ANGPT1: variants seen among roughly 807,000 people sequenced by gnomAD.
ANGPT1 encodes angiopoietin 1, also known as angiopoietin-1.
A neutral mutation model predicts 62.2 loss-of-function variants in ANGPT1; 17 were observed. The observed-to-expected ratio is 0.27, with a 90% CI of 0.19 to 0.41. The LOEUF is 0.41. Ranked by LOEUF, ANGPT1 falls within the 10% of genes least tolerant of loss-of-function variation. The pLI is 1.00. For missense variants in ANGPT1, 478 were observed against 594.9 expected (o/e 0.80, Z 2.04); for synonymous variants, 199 against 198.9 (o/e 1.00, Z 0.00).
At chr8:107,444,088 G>A (rs948738247) in intron 1 of ANGPT1, among the ~76,000 whole-genome samples, 3 of 152,168 alleles carry the variant, frequency 2.0e-5, no homozygotes, top group Admixed American at 6.5e-5. Context: ...TCTGTTCTGG[G>A]AGCATCTGGC....
chr8:107,294,113 G>T, intron 5 of ANGPT1, 76 bp from the exon 6 acceptor site: 1 of 1,201,206 alleles, frequency 8.3e-7, no homozygotes, highest in South Asian at 1.3e-5. Context: ...TTTCAAAATA[G>T]GAATAAGGCG....
At chr8:107,393,181 G>T (rs909010143) in intron 1 of ANGPT1, among the ~76,000 whole-genome samples, 1 of 152,050 alleles carries the variant, frequency 6.6e-6, no homozygotes, top group Non-Finnish European at 1.5e-5. Flanking sequence ...TTTTTAAGCT[G>T]TAACTATTTA....
intron 4 of ANGPT1, among the ~76,000 whole-genome samples, chr8:107,310,382 T>C (rs1268551689): frequency 6.6e-6 from 1 of 152,190 alleles, no homozygotes; most frequent in Non-Finnish European, 1.5e-5. Context: ...TCTTAACTAC[T>C]TCTTACTGGC....
intron 3 of ANGPT1, among the ~76,000 whole-genome samples, chr8:107,335,444 T>C (rs1311211781): frequency 6.6e-6 from 1 of 152,226 alleles, no homozygotes; most frequent in African/African-American, 2.4e-5. Context: ...GTGTTTTGAA[T>C]TGTTCATCAT....
At chr8:107,271,301 G>A (rs1190469608) in intron 7 of ANGPT1, among the ~76,000 whole-genome samples, 4 of 152,098 alleles carry the variant, frequency 2.6e-5, no homozygotes, top group East Asian at 1.9e-4. Flanking sequence ...GGTGATACCC[G>A]GAAAGCCCTT....
Position 107,347,076 on chromosome 8 carries a change from T to A in ANGPT1, c.319A>T (p.Asn107Tyr), listed in dbSNP as rs756267978. Reference sequence around the variant, plus strand: ...ATCTGGGCCATCTCCGACTTCATGTTTTCCACAATGTAATTCTCAAGCTGC... The same window carrying A: ...ATCTGGGCCATCTCCGACTTCATGTATTCCACAATGTAATTCTCAAGCTGC... ...LQKLENYIVE[N>Y]MKSEMAQIQQ... The change falls in exon 2 of 9, where the codon AAC (asparagine) becomes TAC (tyrosine). Residue 107 changes from asparagine to tyrosine, a missense_variant. By Grantham distance (143) the Asn-to-Tyr change is moderately radical (BLOSUM62 -2). Around this residue, in one of 4 missense-constraint regions of ANGPT1, gnomAD observed 343 missense variants for 355.4 expected, o/e 0.97. Transcript: ENST00000517746. The A allele has an allele frequency of 1.9e-6, 3 of 1,613,470 alleles. No individual in the cohort carries two copies. The highest frequency in any genetic ancestry group is 2.2e-5 in the South Asian group (2 of 91,002).
intron 1 of ANGPT1, among the ~76,000 whole-genome samples, chr8:107,459,147 G>A (rs1433221355): frequency 6.6e-6 from 1 of 152,024 alleles, no homozygotes; most frequent in Admixed American, 6.6e-5. Context: ...AGTAACTTTT[G>A]GCTTCATTTT....
At chr8:107,349,266 C>T (rs1411149978) in intron 1 of ANGPT1, among the ~76,000 whole-genome samples, 1 of 152,030 alleles carries the variant, frequency 6.6e-6, no homozygotes, top group African/African-American at 2.4e-5. Context: ...CTAGTTCCAC[C>T]CTTGGACATT....
At chr8:107,460,739 T>C (rs1283318648) in intron 1 of ANGPT1, among the ~76,000 whole-genome samples, 1 of 152,216 alleles carries the variant, frequency 6.6e-6, no homozygotes, top group Non-Finnish European at 1.5e-5. Context: ...GCAATTTTTA[T>C]GATCAAATAA....
intron 1 of ANGPT1, among the ~76,000 whole-genome samples, chr8:107,370,356 G>GAAAA (rs1313239948): frequency 2.3e-4 from 6 of 26,618 alleles, no homozygotes; most frequent in African/African-American, 4.1e-4. Context: ...AAGAAAGAAA[G>GAAAA]AAAGAAAGAA....
chr8:107,464,096 TCA>T (rs1224777765), intron 1 of ANGPT1, among the ~76,000 whole-genome samples: 2 of 152,140 alleles, frequency 1.3e-5, no homozygotes, highest in African/African-American at 4.8e-5. Flanking sequence ...CCAGCCAACC[TCA>T]GTTATTTTTC....
chr8:107,267,375 GTATAGGTATAGGTA>G (rs1381702762), intron 7 of ANGPT1, among the ~76,000 whole-genome samples: 1 of 151,996 alleles, frequency 6.6e-6, no homozygotes, highest in Non-Finnish European at 1.5e-5. Flanking sequence ...ATGTGTGCTG[GTATAGGTATAGGTA>G]TATAGGTATA....
At chr8:107,491,707 G>A (rs1376118855) in intron 1 of ANGPT1, among the ~76,000 whole-genome samples, 1 of 152,274 alleles carries the variant, frequency 6.6e-6, no homozygotes, top group Admixed American at 6.5e-5. Flanking sequence ...GTAAATGATG[G>A]GGCCAGTGAG....
chr8:107,388,997 T>C (rs1816785415), intron 1 of ANGPT1, among the ~76,000 whole-genome samples: 1 of 152,214 alleles, frequency 6.6e-6, no homozygotes, highest in East Asian at 1.9e-4. Flanking sequence ...ACAGTGGAAA[T>C]ACATTTATTC....
At chr8:107,325,054 G>A (rs915179777) in intron 3 of ANGPT1, among the ~76,000 whole-genome samples, 10 of 152,060 alleles carry the variant, frequency 6.6e-5, no homozygotes, top group Admixed American at 5.9e-4. Context: ...CATCTGTAAG[G>A]GGTAGGTATG....
chr8:107,272,352 T>C lies in ANGPT1; in HGVS notation c.1206-8001A>G, dbSNP rs1414020579. Among the ~76,000 whole-genome samples the C allele has an allele frequency of 8.5e-5, 13 of 152,208 alleles. No individual in the cohort carries two copies. In the East Asian group the frequency reaches 1.7e-3, roughly 20 times the overall value. On this transcript the variant is annotated intron_variant, in intron 7 of 8. Transcript: ENST00000517746. ...CACTTAATCTCTGATTCTCATATGA[T>C]TGTTTTAGATATTAGCTTGTATAAC...
intron 1 of ANGPT1, among the ~76,000 whole-genome samples, chr8:107,367,265 C>T (rs1816294315): frequency 6.6e-6 from 1 of 152,068 alleles, no homozygotes; most frequent in Non-Finnish European, 1.5e-5. Context: ...ATACTGTGGT[C>T]TATTAAGTGT....
At chr8:107,386,157 A>G (rs1816727981) in intron 1 of ANGPT1, among the ~76,000 whole-genome samples, 2 of 152,058 alleles carry the variant, frequency 1.3e-5, no homozygotes, top group South Asian at 4.1e-4. Context: ...AAAAGCAAAC[A>G]CTACATGTTC....
chr8:107,383,100 G>C (rs1816670640), intron 1 of ANGPT1, among the ~76,000 whole-genome samples: 4 of 152,070 alleles, frequency 2.6e-5, no homozygotes, highest in Admixed American at 6.6e-5. Context: ...ACCAATTACT[G>C]CTCAGCAGAA....
Sources: allele counts gnomAD v4.1 joint callset (sites outside exome capture counted in the v4.1 genomes callset), GRCh38; gene constraint gnomAD v4.1.1; regional missense constraint gnomAD v4.1.1; transcripts MANE v1.5; gene names NCBI Gene and HGNC (gene_info 2026-07-23, HGNC 2026-07-21).